Variants in TRIM63 observed in about 807,000 individuals in gnomAD.
TRIM63 encodes the protein tripartite motif containing 63.
In TRIM63, 48 loss-of-function variants were observed where a neutral mutation model predicts 46.0. The observed-to-expected ratio is 1.04, with a 90% CI of 0.83 to 1.33. The LOEUF is 1.33. Among genes scored for constraint, TRIM63 ranks in the 40% most tolerant of loss-of-function variants. TRIM63 has a pLI of 0.00. For missense variants in TRIM63, 455 were observed against 441.2 expected (o/e 1.03, Z -0.28); for synonymous variants, 175 against 162.8 (o/e 1.08, Z -0.57).
chr1:26,066,417 G>C lies in TRIM63; in HGVS notation c.183C>G (p.Ser61Arg), dbSNP rs2050678831. 1 of 1,602,972 alleles carries C rather than the reference G, an allele frequency of 6.2e-7. No homozygotes were observed. The highest frequency in any genetic ancestry group is 8.5e-7 in the Non-Finnish European group (1 of 1,173,734). Residue 61 changes from serine (S) to arginine (R), a missense_variant, in exon 2 of 9, where the codon AGC becomes AGG. Ser to Arg is a moderately radical substitution (Grantham distance 110, BLOSUM62 -1). Coordinates refer to ENST00000374272, the MANE Select transcript of TRIM63 (RefSeq NM_032588.4). ...IFQAANPYWTSRGSSVSMSGG... is the reference protein window; with the variant it reads ...IFQAANPYWTRRGSSVSMSGG... The stretch of plus-strand genomic sequence containing the variant: ...CAGACATGGACACTGAGCTGCCCCG[G>C]CTGGTCCAGTAGGGATTTGCAGCCT...
intron 2 of TRIM63, among the ~76,000 whole-genome samples, chr1:26,065,744 G>C (rs751788439): frequency 2.0e-5 from 3 of 152,212 alleles, no homozygotes; most frequent in Non-Finnish European, 4.4e-5. Flanking sequence ...TCACTTCCCA[G>C]CTGGGAAACC....
intron 2 of TRIM63, 31 bp from the exon 3 acceptor site, chr1:26,061,365 G>T: frequency 6.2e-7 from 1 of 1,606,306 alleles, no homozygotes; most frequent in East Asian, 2.2e-5. Context: ...AAGTCATGGG[G>T]GTCCTGTGTC....
intron 5 of TRIM63, among the ~76,000 whole-genome samples, chr1:26,058,038 T>C (rs931489854): frequency 2.0e-5 from 3 of 152,254 alleles, no homozygotes; most frequent in Non-Finnish European, 4.4e-5. Context: ...GAGCCTTTTC[T>C]GTCCTCCCCA....
rs2050623658 is a variant in TRIM63, at chr1:26,061,284, T to C, written c.383A>G (p.Glu128Gly). The C allele has an allele frequency of 2.5e-6, 4 of 1,614,092 alleles. No individual in the cohort carries two copies. In the Admixed American group the frequency reaches 5.0e-5, roughly 20 times the overall value. ...SHPMCKEHED[E>G]KINIYCLTCE... ...CGTGAGACAGTAGATGTTGATTTTC[T>C]CATCTTCGTGCTCCTTGCACATGGG... The change falls in exon 3 of 9, where the codon GAG becomes GGG. Residue 128 changes from glutamate (E) to glycine (G), a missense_variant. Physicochemically the swap from Glu to Gly is moderately conservative, Grantham distance 98. Transcript: ENST00000374272.
At chr1:26,056,661 C>T (rs1299056900) in intron 7 of TRIM63, among the ~76,000 whole-genome samples, 1 of 152,174 alleles carries the variant, frequency 6.6e-6, no homozygotes, top group African/African-American at 2.4e-5. Context: ...CCCCAAGAGG[C>T]CTCCCTGCCA....
chr1:26,057,531 C>A lies in TRIM63; in HGVS notation c.854+97G>T, dbSNP rs1170050461. The A allele has an allele frequency of 1.2e-5, 18 of 1,461,102 alleles. No homozygotes were observed. In the East Asian group the frequency reaches 3.4e-4, roughly 28 times the overall value. 90.5% of individuals were successfully genotyped at this position (1,461,102 alleles called of 1,614,324 possible). ...TCAGGGAAGCCAGCCTAGAGTGAGA[C>A]CCTCCCAGCAGGCCTAATGCCCAGG... On this transcript the variant is annotated intron_variant, in intron 6 of 8. Transcript: ENST00000374272.
In TRIM63 at chr1:26,065,315, C is replaced by T. The variant is rs568903486; in HGVS notation, c.332+953G>A. 2.0e-5 allele frequency among the ~76,000 whole-genome samples: 3 copies of T among 150,586 alleles called. No individual in the cohort carries two copies. In the South Asian group the frequency reaches 6.4e-4, roughly 32 times the overall value. Reference sequence around the variant, plus strand: ...CTGGGATTACAGGTGTGGGCCACCGCACCCGGCCTCTCAGTGTTTTTGTCT... The same window carrying T: ...CTGGGATTACAGGTGTGGGCCACCGTACCCGGCCTCTCAGTGTTTTTGTCT... On this transcript the variant is annotated intron_variant, in intron 2 of 8. Transcript: ENST00000374272.
At chr1:26,053,799 A>G in intron 8 of TRIM63, 94 bp downstream of exon 8, 1 of 943,436 alleles carries the variant, frequency 1.1e-6, no homozygotes, top group East Asian at 2.6e-5. Context: ...CGTCATTGCC[A>G]ATGTCTAACA....
In TRIM63 at chr1:26,067,489, A is replaced by T. The variant is rs545205834; in HGVS notation, c.6T>A (p.Asp2Glu). ...CATCCTGGATCAGGCTCGACTTATA[A>T]TCCATTCTGTGGGAAGGAATGAGAG... is the stretch of plus-strand genomic sequence containing the variant. MDYKSSLIQDGN... is the reference protein window; with the variant it reads MEYKSSLIQDGN... The change falls in exon 1 of 9, where the codon GAT becomes GAA. Residue 2 changes from aspartate to glutamate, a missense_variant. By Grantham distance (45) the Asp-to-Glu change is conservative. Coordinates refer to ENST00000374272, the MANE Select transcript of TRIM63 (RefSeq NM_032588.4). The T allele has an allele frequency of 6.2e-7, 1 of 1,613,968 alleles. No homozygotes were observed. The highest frequency in any genetic ancestry group is 1.3e-5 in the African/African-American group (1 of 75,050).
chr1:26,052,160 T>C (rs969200129), intron 8 of TRIM63, among the ~76,000 whole-genome samples: 17 of 152,394 alleles, frequency 1.1e-4, no homozygotes, highest in African/African-American at 2.9e-4. Context: ...TTTGCAAGCA[T>C]GTGCTAATTA....
Position 26,066,338 on chromosome 1 carries a change from C to G in TRIM63, c.262G>C (p.Gly88Arg), listed in dbSNP as rs768679845. Residue 88 changes from glycine to arginine, a missense_variant, in exon 2 of 9, where the codon GGA becomes CGA. Transcript: ENST00000374272. The part of the protein sequence containing the change: ...CRHEVIMDRH[G>R]VYGLQRNLLV... ...AGGTTCCTCTGCAGGCCGTACACTC[C>G]GTGACGATCCATGATCACCTCGTGG... 1 of 1,614,136 alleles carries G rather than the reference C, an allele frequency of 6.2e-7. No homozygotes were observed. The highest frequency in any genetic ancestry group is 1.3e-5 in the African/African-American group (1 of 75,056).
Position 26,066,330 on chromosome 1 carries a change from G to T in TRIM63, c.270C>A (p.Tyr90Ter), listed in dbSNP as rs1402947249. ...HEVIMDRHGV[Y>*]GLQRNLLVEN... is the part of the protein sequence containing the mutation. ...CCACCAGCAGGTTCCTCTGCAGGCC[G>T]TACACTCCGTGACGATCCATGATCA... Residue 90 changes from tyrosine (Y) to a stop codon, truncating the protein, a stop_gained, in exon 2 of 9, where the codon TAC (tyrosine) becomes TAA (stop). Transcript: ENST00000374272. LOFTEE classifies it high-confidence loss of function. 6.2e-7 allele frequency: 1 copy of T among 1,614,120 alleles called. No homozygotes were observed. Among genetic ancestry groups the T allele is most frequent in the Non-Finnish European group, 8.5e-7 (1 of 1,180,020 alleles).
chr1:26,061,094 A>C, intron 3 of TRIM63, 72 bp downstream of exon 3: 1 of 1,523,886 alleles, frequency 6.6e-7, no homozygotes, highest in Non-Finnish European at 9.0e-7. Flanking sequence ...ACAGGGATCA[A>C]ATCTGCCTCC....
In TRIM63 at chr1:26,051,901, A is replaced by G; in HGVS notation, c.1052-18T>C. On this transcript the variant is annotated intron_variant, in intron 8 of 8. Coordinates refer to ENST00000374272, the MANE Select transcript of TRIM63 (RefSeq NM_032588.4). Reference sequence around the variant, plus strand: ...CTGGTGTCCTGAAATGAAGAAAAAGATACAGAGGCAAGGGGTGAGACAGGG... The same window carrying G: ...CTGGTGTCCTGAAATGAAGAAAAAGGTACAGAGGCAAGGGGTGAGACAGGG... 7.6e-7 allele frequency: 1 copy of G among 1,317,846 alleles called. No individual in the cohort carries two copies. Among genetic ancestry groups the G allele is most frequent in the Non-Finnish European group, 9.8e-7 (1 of 1,024,526 alleles). 81.6% of individuals were successfully genotyped at this position (1,317,846 alleles called of 1,614,324 possible).
chr1:26,058,418 T>C lies in TRIM63; in HGVS notation c.803A>G (p.Asp268Gly). Residue 268 changes from aspartate (D) to glycine (G), a missense_variant, in exon 5 of 9, where the codon GAC (aspartate) becomes GGC (glycine). Coordinates refer to ENST00000374272, the MANE Select transcript of TRIM63 (RefSeq NM_032588.4). ...KLVETAIQSL[D>G]EPGGATFLLT... ...GAGGAAGGTGGCTCCCCCAGGCTCG[T>C]CCAGGGACTGGATGGCAGTTTCCAC... 3 of 1,614,152 alleles carry C rather than the reference T, an allele frequency of 1.9e-6. No homozygotes were observed. The highest frequency in any genetic ancestry group is 2.5e-6 in the Non-Finnish European group (3 of 1,180,040).
chr1:26,061,066 G>A lies in TRIM63; in HGVS notation c.501+100C>T, dbSNP rs1336216431. 5 of 1,322,154 alleles carry A rather than the reference G, an allele frequency of 3.8e-6. No homozygotes were observed. The South Asian group carries it at 4.2e-5, about 11-fold the overall frequency. The allele number at this position is 1,322,154 out of a possible 1,614,324, so 81.9% of individuals were successfully genotyped here. A position where few individuals can be genotyped will look rare whatever the true frequency, so the allele number is the denominator to read the frequency against. On this transcript the variant is annotated intron_variant, in intron 3 of 8. Coordinates refer to ENST00000374272, the MANE Select transcript of TRIM63 (RefSeq NM_032588.4). ...CCCTCCAGAGAGACTATTCCTGAAA[G>A]GCCAGATCAGCAGATCTACAGGGAT...
rs561602133 is a variant in TRIM63, at chr1:26,066,425, A to G, written c.175T>C (p.Trp59Arg). Residue 59 changes from tryptophan to arginine, a missense_variant, in exon 2 of 9, where the codon TGG (tryptophan) becomes CGG (arginine). Transcript: ENST00000374272. ...GACACTGAGCTGCCCCGGCTGGTCC[A>G]GTAGGGATTTGCAGCCTGCAGGTGG... Reference protein sequence around the residue: ...NDIFQAANPYWTSRGSSVSMS... With the variant: ...NDIFQAANPYRTSRGSSVSMS... 8.5e-5 allele frequency: 135 copies of G among 1,591,586 alleles called. No homozygotes were observed. The South Asian group carries it at 1.5e-3, about 18-fold the overall frequency.
At chr1:26,057,856 A>G (rs1411011252) in intron 5 of TRIM63, among the ~76,000 whole-genome samples, 1 of 152,064 alleles carries the variant, frequency 6.6e-6, no homozygotes, top group African/African-American at 2.4e-5. Context: ...TCACCCTAGG[A>G]CCCACTGTCT....
intron 2 of TRIM63, 100 bp from the exon 3 acceptor site, chr1:26,061,434 A>G: frequency 7.6e-7 from 1 of 1,318,206 alleles, no homozygotes; most frequent in East Asian, 2.4e-5. Context: ...AGGCTGAGGC[A>G]GGAGGATTGC....
Sources: gnomAD v4.1 joint callset for allele counts (sites outside exome capture counted in the v4.1 genomes callset) on GRCh38, gnomAD v4.1.1 for gene constraint, MANE v1.5 for transcripts, NCBI Gene and HGNC (gene_info 2026-07-23, HGNC 2026-07-21) for gene names.